Variants in MAP4K5 observed in about 807,000 individuals in gnomAD.
The protein encoded by MAP4K5 is mitogen-activated protein kinase kinase kinase kinase 5, also known as MAPK/ERK kinase kinase kinase 5.
A neutral mutation model predicts 135.6 loss-of-function variants in MAP4K5; 82 were observed. The ratio of observed to expected loss-of-function variants is 0.60; its 90% CI spans 0.51 to 0.73. The LOEUF is 0.73. Among genes scored for constraint, MAP4K5 ranks in the 30% least tolerant of loss-of-function variants. MAP4K5 has a pLI of 0.00. For synonymous variants in MAP4K5, 347 were observed against 335.0 expected, an observed-to-expected ratio of 1.04 and a Z score of -0.39; for missense variants, 907 against 1,010.9, an observed-to-expected ratio of 0.90 and a Z score of 1.39.
chr14:50,559,101 A>G (rs751038525), intron 1 of MAP4K5: 2 of 152,260 alleles, frequency 1.3e-5, no homozygotes, highest in Non-Finnish European at 2.9e-5. Context: ...GACTACAAGT[A>G]TAGATTTGGG....
At chr14:50,557,163 T>G (rs1239779764) in intron 1 of MAP4K5, among the ~76,000 whole-genome samples, 1 of 152,244 alleles carries the variant, frequency 6.6e-6, no homozygotes, top group Non-Finnish European at 1.5e-5. Context: ...ATTATCTTTT[T>G]GATTATAGTC....
intron 2 of MAP4K5, among the ~76,000 whole-genome samples, chr14:50,513,808 A>G (rs1039623805): frequency 5.3e-5 from 8 of 152,170 alleles, no homozygotes; most frequent in Non-Finnish European, 1.2e-4. Context: ...CCTTTATTCT[A>G]TAACATAACA....
intron 1 of MAP4K5, among the ~76,000 whole-genome samples, chr14:50,548,262 C>A (rs1299885967): frequency 1.3e-5 from 2 of 152,152 alleles, no homozygotes; most frequent in South Asian, 4.1e-4. Flanking sequence ...GATATTCATT[C>A]CTCATTTGGC....
chr14:50,556,070 T>A (rs1444451412), intron 1 of MAP4K5, among the ~76,000 whole-genome samples: 3 of 152,208 alleles, frequency 2.0e-5, no homozygotes, highest in African/African-American at 7.2e-5. Flanking sequence ...AGAGAGGATT[T>A]AAAGTACTAA....
chr14:50,542,664 A>G (rs1396486909), intron 1 of MAP4K5: 1 of 151,996 alleles, frequency 6.6e-6, no homozygotes. Flanking sequence ...TTTTTTTTCA[A>G]CCCATTATCT....
chr14:50,524,680 G>T (rs2038223852), intron 2 of MAP4K5, among the ~76,000 whole-genome samples: 1 of 151,942 alleles, frequency 6.6e-6, no homozygotes, highest in Non-Finnish European at 1.5e-5. Flanking sequence ...GAGAAAGAGT[G>T]TTCTAAAGGA....
At chr14:50,560,416 A>C in intron 1 of MAP4K5, 1 of 1,364,062 alleles carries the variant, frequency 7.3e-7, no homozygotes, top group Non-Finnish European at 1.0e-6. Flanking sequence ...CACGGCTGGG[A>C]GACGGGCCGT....
rs879591521 is a variant in MAP4K5, at chr14:50,463,798, T to C, written c.819+254A>G. The stretch of plus-strand genomic sequence containing the variant: ...TACATGGGAGGCTAAGGCAGAAGAA[T>C]GGCTTGATCCCAGGGGGTGGGGGTG... On this transcript the variant is annotated intron_variant, in intron 12 of 32. Transcript: ENST00000682126. Among the ~76,000 whole-genome samples, 35 of 145,040 alleles carry C rather than the reference T, an allele frequency of 2.4e-4. No individual in the cohort carries two copies. The Admixed American group carries it at 2.5e-3, about 11-fold the overall frequency.
intron 32 of MAP4K5, among the ~76,000 whole-genome samples, chr14:50,420,895 A>T (rs1245376546): frequency 6.6e-6 from 1 of 152,102 alleles, no homozygotes; most frequent in African/African-American, 2.4e-5. Flanking sequence ...GGAAAAAAAA[A>T]AAGAAGTACT....
chr14:50,437,612 A>G, intron 25 of MAP4K5, 78 bp from the exon 26 acceptor site: 1 of 1,012,922 alleles, frequency 9.9e-7, no homozygotes, highest in South Asian at 1.5e-5. Context: ...TTGCATCAGA[A>G]TCAGACAGAA....
intron 3 of MAP4K5, among the ~76,000 whole-genome samples, chr14:50,494,964 T>C (rs8003949): frequency 0.96 from 146,087 of 152,278 alleles, 70,378 homozygotes; most frequent in East Asian, 1. Flanking sequence ...AGACCCCAAA[T>C]TATCAAACTC....
intron 17 of MAP4K5, among the ~76,000 whole-genome samples, chr14:50,445,485 A>G (rs191714996): frequency 6.6e-6 from 1 of 152,364 alleles, no homozygotes; most frequent in East Asian, 1.9e-4. Context: ...AATTGTAGTC[A>G]TAAGAATGAT....
chr14:50,424,308 A>AT (rs201207270), intron 31 of MAP4K5, among the ~76,000 whole-genome samples: 2,169 of 152,266 alleles, frequency 0.014, 40 homozygotes, highest in African/African-American at 0.05. Flanking sequence ...GAGATGTTCT[A>AT]ATCATTGTGC....
At chr14:50,477,120 G>A (rs1183410461) in intron 6 of MAP4K5, among the ~76,000 whole-genome samples, 1 of 152,090 alleles carries the variant, frequency 6.6e-6, no homozygotes, top group Non-Finnish European at 1.5e-5. Context: ...TTGTGAACAT[G>A]GTATAGTTCT....
chr14:50,548,059 A>G (rs1200276693), intron 1 of MAP4K5, among the ~76,000 whole-genome samples: 1 of 152,106 alleles, frequency 6.6e-6, no homozygotes, highest in Non-Finnish European at 1.5e-5. Flanking sequence ...TGGATGGCCT[A>G]AAGAACAGGG....
At chr14:50,485,828 T>TTTA in intron 4 of MAP4K5, 186 bp from the exon 5 acceptor site, 1 of 555,128 alleles carries the variant, frequency 1.8e-6, no homozygotes. Flanking sequence ...CCATCTTCAG[T>TTTA]GGTTTAGAAT....
chr14:50,482,792 AC>A (rs1300152079), intron 5 of MAP4K5: 2 of 158,180 alleles, frequency 1.3e-5, no homozygotes, highest in African/African-American at 2.4e-5. Flanking sequence ...AAACAAAAAA[AC>A]AAAACAAAAC....
intron 2 of MAP4K5, among the ~76,000 whole-genome samples, chr14:50,512,473 T>C (rs1375778737): frequency 6.6e-6 from 1 of 152,148 alleles, no homozygotes; most frequent in Admixed American, 6.5e-5. Context: ...AGCCAAGATA[T>C]ATTATATGTG....
At chr14:50,441,934 A>G (rs1161319829) in intron 21 of MAP4K5, among the ~76,000 whole-genome samples, 1 of 152,118 alleles carries the variant, frequency 6.6e-6, no homozygotes, top group Admixed American at 6.6e-5. Flanking sequence ...GCTAATTGCT[A>G]GACACTGGGG....
Sources: allele counts gnomAD v4.1 joint callset (sites outside exome capture counted in the v4.1 genomes callset), GRCh38; gene constraint gnomAD v4.1.1; transcripts MANE v1.5; gene names NCBI Gene and HGNC (gene_info 2026-07-23, HGNC 2026-07-21).